LDB2: variants seen among roughly 807,000 people sequenced by gnomAD.
LDB2 encodes LIM domain-binding protein 2.
In LDB2, 12 loss-of-function variants were observed where a neutral mutation model predicts 44.3. The observed-to-expected ratio is 0.27, with a 90% CI of 0.17 to 0.44. The LOEUF is 0.44. Ranked by LOEUF, LDB2 falls within the 20% of genes least tolerant of loss-of-function variation. The probability of loss-of-function intolerance (pLI) is 1.00; values close to 1 mark genes in which losing one functional copy is unlikely to be tolerated. For synonymous variants in LDB2, 164 were observed against 174.8 expected (o/e 0.94, Z 0.49); for missense variants, 344 against 473.5 (o/e 0.73, Z 2.54).
chr4:16,595,637 T>C, intron 3 of LDB2, 66 bp downstream of exon 3: 1 of 1,456,406 alleles, frequency 6.9e-7, no homozygotes, highest in South Asian at 1.3e-5. Context: ...AGGAAAACCA[T>C]AATTATTATT....
intron 2 of LDB2, among the ~76,000 whole-genome samples, chr4:16,689,826 T>A (rs1339820040): frequency 6.6e-6 from 1 of 152,232 alleles, no homozygotes; most frequent in African/African-American, 2.4e-5. Context: ...TTTCTGTAAA[T>A]CACTTACTAA....
At chr4:16,519,647 A>C (rs1157519489) in intron 5 of LDB2, among the ~76,000 whole-genome samples, 1 of 148,598 alleles carries the variant, frequency 6.7e-6, no homozygotes, top group African/African-American at 2.5e-5. Context: ...AGAAGGGTGT[A>C]GGTTTTGGAA....
At chr4:16,775,416 G>T (rs1022842282) in intron 1 of LDB2, among the ~76,000 whole-genome samples, 1 of 152,122 alleles carries the variant, frequency 6.6e-6, no homozygotes, top group Non-Finnish European at 1.5e-5. Flanking sequence ...CTTTGGAAAA[G>T]TTACTCAGTC....
At chr4:16,846,190 T>G (rs1275357425) in intron 1 of LDB2, among the ~76,000 whole-genome samples, 1 of 152,132 alleles carries the variant, frequency 6.6e-6, no homozygotes. Flanking sequence ...ACTCTCAGAC[T>G]TTTTCTATGC....
intron 1 of LDB2, among the ~76,000 whole-genome samples, chr4:16,790,507 GA>G (rs57819331): frequency 0.064 from 9,754 of 152,018 alleles, 701 homozygotes; most frequent in East Asian, 0.19. Flanking sequence ...TTTTCCATAG[GA>G]AAAAAATATA....
At chr4:16,764,002 T>A (rs2109268266) in intron 1 of LDB2, among the ~76,000 whole-genome samples, 1 of 152,260 alleles carries the variant, frequency 6.6e-6, no homozygotes, top group South Asian at 2.1e-4. Context: ...CCTTAAGATA[T>A]TCATAGAGAA....
At chr4:16,559,923 C>G (rs536110131) in intron 5 of LDB2, among the ~76,000 whole-genome samples, 3 of 152,066 alleles carry the variant, frequency 2.0e-5, no homozygotes, top group South Asian at 4.2e-4. Context: ...CACTCAAAAC[C>G]GCTCAACTAC....
intron 5 of LDB2, among the ~76,000 whole-genome samples, chr4:16,537,350 G>T (rs967052709): frequency 1.3e-5 from 2 of 152,154 alleles, no homozygotes; most frequent in Admixed American, 1.3e-4. Flanking sequence ...TTCCTTCTGG[G>T]TGAAAACCCA....
chr4:16,778,579 A>T (rs971706683), intron 1 of LDB2, among the ~76,000 whole-genome samples: 2 of 152,122 alleles, frequency 1.3e-5, no homozygotes, highest in African/African-American at 2.4e-5. Flanking sequence ...GTCAGTGTTC[A>T]TTTCTTGTTG....
intron 5 of LDB2, among the ~76,000 whole-genome samples, chr4:16,564,497 C>A (rs534327674): frequency 6.6e-6 from 1 of 152,240 alleles, no homozygotes; most frequent in Non-Finnish European, 1.5e-5. Context: ...GCCTGCTCTA[C>A]AAGCTAAAAT....
At chr4:16,690,538 G>GAGGA in intron 2 of LDB2, among the ~76,000 whole-genome samples, 1 of 77,836 alleles carries the variant, frequency 1.3e-5, no homozygotes, top group Non-Finnish European at 2.7e-5. Context: ...GGGAGGGAGG[G>GAGGA]AGGTTGGGGA....
At chr4:16,755,265 G>A (rs1349664710) in intron 2 of LDB2, among the ~76,000 whole-genome samples, 1 of 152,154 alleles carries the variant, frequency 6.6e-6, no homozygotes, top group Non-Finnish European at 1.5e-5. Flanking sequence ...ACCCAAGACA[G>A]AGAAGGAAAT....
In LDB2 at chr4:16,756,803, A is replaced by C. The variant is rs114436971; in HGVS notation, c.235+2355T>G. On this transcript the variant is annotated intron_variant, in intron 2 of 7. Coordinates refer to ENST00000304523, the MANE Select transcript of LDB2 (RefSeq NM_001290.5). ...TAAGCAGACGCCTATTACAGGATTT[A>C]TGGCAACTTAGAGATAAAGTATTAT... 3.3e-3 allele frequency among the ~76,000 whole-genome samples: 509 copies of C among 152,230 alleles called. 4 individuals are homozygous for C. The highest frequency in any genetic ancestry group is 0.012 in the African/African-American group (492 of 41,544).
chr4:16,680,897 C>T (rs1747664690), intron 2 of LDB2, among the ~76,000 whole-genome samples: 1 of 152,048 alleles, frequency 6.6e-6, no homozygotes, highest in Admixed American at 6.5e-5. Context: ...AAACACCCAC[C>T]CACAAGTCAA....
In LDB2 at chr4:16,761,379, G is replaced by C. The variant is rs1196880815; in HGVS notation, c.133-2119C>G. 1.3e-4 allele frequency among the ~76,000 whole-genome samples: 20 copies of C among 152,218 alleles called. 1 individual carries two copies. Among genetic ancestry groups the C allele is most frequent in the Admixed American group, 1.3e-3 (20 of 15,276 alleles). On this transcript the variant is annotated intron_variant, in intron 1 of 7. Coordinates refer to ENST00000304523, the MANE Select transcript of LDB2 (RefSeq NM_001290.5). ...AGCAAGAGGGGAGAAAGAGTTGAAA[G>C]GGAATATTTAGTCTGAGGTTGATTT...
intron 2 of LDB2, among the ~76,000 whole-genome samples, chr4:16,632,822 C>A (rs1310555951): frequency 2.0e-5 from 3 of 152,198 alleles, no homozygotes; most frequent in Non-Finnish European, 1.5e-5. Context: ...AATAGGAACA[C>A]TTTTACACTG....
chr4:16,504,978 G>A (rs1020825845), intron 7 of LDB2, among the ~76,000 whole-genome samples: 2 of 152,188 alleles, frequency 1.3e-5, no homozygotes, highest in Non-Finnish European at 2.9e-5. Context: ...CATTAGTATC[G>A]TGACTCCAAA....
intron 4 of LDB2, among the ~76,000 whole-genome samples, chr4:16,587,787 C>T (rs902555269): frequency 6.6e-6 from 1 of 152,152 alleles, no homozygotes; most frequent in Non-Finnish European, 1.5e-5. Context: ...GGGCAACTTA[C>T]TGATTCTCTG....
chr4:16,620,736 G>T (rs576732474), intron 2 of LDB2, among the ~76,000 whole-genome samples: 1 of 152,172 alleles, frequency 6.6e-6, no homozygotes, highest in African/African-American at 2.4e-5. Context: ...GGGAATGTGT[G>T]TTCTACTCAG....
Sources: gnomAD v4.1 joint callset for allele counts (sites outside exome capture counted in the v4.1 genomes callset) on GRCh38, gnomAD v4.1.1 for gene constraint, MANE v1.5 for transcripts, NCBI Gene and HGNC (gene_info 2026-07-23, HGNC 2026-07-21) for gene names.